The following PRKAA2 variants were observed in gnomAD, a reference collection of about 807,000 sequenced individuals.
PRKAA2 encodes the protein 5'-AMP-activated protein kinase catalytic subunit alpha-2.
PRKAA2 carries 40 observed loss-of-function variants against 56.3 expected under a neutral mutation model. That is an observed-to-expected ratio of 0.71 (90% CI 0.55 to 0.92). The LOEUF is 0.92. Among genes scored for constraint, PRKAA2 ranks in the 40% least tolerant of loss-of-function variants. PRKAA2 has a pLI of 0.00. For synonymous variants in PRKAA2, 214 were observed against 234.2 expected, an observed-to-expected ratio of 0.91 and a Z score of 0.79; for missense variants, 542 against 686.9, an observed-to-expected ratio of 0.79 and a Z score of 2.36.
At chr1:56,704,618 A>C in intron 7 of PRKAA2, 143 bp downstream of exon 7, 2 of 959,452 alleles carry the variant, frequency 2.1e-6, no homozygotes, top group Non-Finnish European at 3.0e-6. Flanking sequence ...AATAACCTCT[A>C]TAAGGATGAA....
rs750059280 is a variant in PRKAA2, at chr1:56,707,967, A to AT, written c.*259dup. The AT allele has an allele frequency of 1.2e-5, 6 of 484,942 alleles. No individual in the cohort carries two copies. Among genetic ancestry groups the AT allele is most frequent in the Non-Finnish European group, 2.2e-5 (6 of 271,488 alleles). The allele number at this position is 484,942 out of a possible 1,614,324, so 30.0% of individuals were successfully genotyped here. On this transcript the variant is annotated 3_prime_UTR_variant, in exon 9 of 9. Transcript: ENST00000371244. ...CTTTAATAGGTTAATATCAATGAAG[A>AT]TTTTTAATTACAATAATGAGTTCAC...
Position 56,704,312 on chromosome 1 carries a change from G to T in PRKAA2, c.1130G>T (p.Ser377Ile). ...AGGATGCCACCTCTTATAGCAGACA[G>T]CCCCAAAGCAAGATGTCCATTGGAT... ...PERMPPLIAD[S>I]PKARCPLDAL... The change falls in exon 7 of 9, where the codon AGC (serine) becomes ATC (isoleucine). Residue 377 changes from serine to isoleucine, a missense_variant. Around this residue, in one of 5 missense-constraint regions of PRKAA2, gnomAD observed 198 missense variants for 234.0 expected, o/e 0.85. Transcript: ENST00000371244. 1 of 1,614,112 alleles carries T rather than the reference G, an allele frequency of 6.2e-7. No homozygotes were observed. The highest frequency in any genetic ancestry group is 8.5e-7 in the Non-Finnish European group (1 of 1,180,020).
intron 1 of PRKAA2, among the ~76,000 whole-genome samples, chr1:56,662,086 A>T (rs1183907970): frequency 6.6e-6 from 1 of 152,136 alleles, no homozygotes; most frequent in Non-Finnish European, 1.5e-5. Context: ...GTTGTTACTG[A>T]TTCCATCAGA....
chr1:56,667,500 T>G (rs1176964118), intron 1 of PRKAA2, among the ~76,000 whole-genome samples: 1 of 152,184 alleles, frequency 6.6e-6, no homozygotes, highest in Non-Finnish European at 1.5e-5. Context: ...TCATATATTA[T>G]GAGTTAAATC....
intron 2 of PRKAA2, among the ~76,000 whole-genome samples, chr1:56,685,817 C>T (rs1644187323): frequency 6.6e-6 from 1 of 152,026 alleles, no homozygotes; most frequent in African/African-American, 2.4e-5. Flanking sequence ...GAGGAGCAAC[C>T]TATAAATTAG....
intron 2 of PRKAA2, among the ~76,000 whole-genome samples, chr1:56,684,725 T>A (rs760930884): frequency 1.3e-5 from 2 of 151,970 alleles, no homozygotes; most frequent in Non-Finnish European, 2.9e-5. Context: ...AAGAACCAAT[T>A]TATTGGAATG....
intron 2 of PRKAA2, among the ~76,000 whole-genome samples, chr1:56,685,685 T>C (rs966336767): frequency 6.6e-6 from 1 of 152,032 alleles, no homozygotes; most frequent in Non-Finnish European, 1.5e-5. Flanking sequence ...TAAGAGTGGG[T>C]TAGAAATTGT....
intron 1 of PRKAA2, among the ~76,000 whole-genome samples, chr1:56,648,301 A>G (rs1342968692): frequency 2.0e-5 from 3 of 152,206 alleles, no homozygotes; most frequent in Admixed American, 2.0e-4. Context: ...TCTTCTTCAT[A>G]AACGTGATCG....
Position 56,710,642 on chromosome 1 carries a change from C to T in PRKAA2, c.*2929C>T, listed in dbSNP as rs1368102507. 6.6e-6 allele frequency: 1 copy of T among 152,048 alleles called. No homozygotes were observed. Among genetic ancestry groups the T allele is most frequent in the African/African-American group, 2.4e-5 (1 of 41,408 alleles). 9.4% of individuals were successfully genotyped at this position (152,048 alleles called of 1,614,324 possible). A position where few individuals can be genotyped will look rare whatever the true frequency, so the allele number is the denominator to read the frequency against. On this transcript the variant is annotated 3_prime_UTR_variant, in exon 9 of 9. Coordinates refer to ENST00000371244, the MANE Select transcript of PRKAA2 (RefSeq NM_006252.4). ...TGTTTTAACTTGCAGACATGTTCAT[C>T]GTGAGTGAATGCTGGATTAAATAGA...
Position 56,696,004 on chromosome 1 carries a change from C to T in PRKAA2, c.633C>T (p.Thr211=), listed in dbSNP as rs1321606651. ...GVILYALLCG[T]LPFDDEHVPT... ...TCTTGTATGCTCTTCTTTGTGGCACCCTCCCATTTGATGATGAGCATGTAC... is the reference window on the plus strand; with the variant it reads ...TCTTGTATGCTCTTCTTTGTGGCACTCTCCCATTTGATGATGAGCATGTAC... Residue 211 remains threonine, a synonymous_variant, in exon 6 of 9, where the codon ACC becomes ACT. Transcript: ENST00000371244. 2 of 1,610,940 alleles carry T rather than the reference C, an allele frequency of 1.2e-6. No individual in the cohort carries two copies. The highest frequency in any genetic ancestry group is 3.4e-5 in the Admixed American group (2 of 59,404).
At chr1:56,684,310 A>G (rs967791048) in intron 2 of PRKAA2, among the ~76,000 whole-genome samples, 1 of 152,074 alleles carries the variant, frequency 6.6e-6, no homozygotes, top group African/African-American at 2.4e-5. Flanking sequence ...TAGACATCCA[A>G]GTAGAGATGT....
chr1:56,656,015 A>G (rs987869525), intron 1 of PRKAA2, among the ~76,000 whole-genome samples: 3 of 152,234 alleles, frequency 2.0e-5, no homozygotes, highest in Admixed American at 1.3e-4. Context: ...AGAATTTTAA[A>G]TAACTGATAC....
intron 7 of PRKAA2, 54 bp downstream of exon 7, chr1:56,704,529 T>C (rs1644318710): frequency 6.6e-7 from 1 of 1,521,370 alleles, no homozygotes; most frequent in Non-Finnish European, 8.7e-7. Context: ...TTCTATATTA[T>C]AAGCTGCTCT....
chr1:56,673,920 G>T (rs995549751), intron 1 of PRKAA2, among the ~76,000 whole-genome samples: 1 of 152,136 alleles, frequency 6.6e-6, no homozygotes, highest in Non-Finnish European at 1.5e-5. Flanking sequence ...GCACAAAAAA[G>T]GGCTAGGTGT....
At chr1:56,672,604 G>A (rs1644085572) in intron 1 of PRKAA2, among the ~76,000 whole-genome samples, 1 of 152,162 alleles carries the variant, frequency 6.6e-6, no homozygotes, top group African/African-American at 2.4e-5. Context: ...AACCTTCAAA[G>A]AACAGGCAGA....
At chr1:56,692,025 C>T (rs2100423986) in intron 3 of PRKAA2, among the ~76,000 whole-genome samples, 1 of 137,388 alleles carries the variant, frequency 7.3e-6, no homozygotes, top group African/African-American at 2.8e-5. Context: ...ATAGATGTCT[C>T]AGATTTTTTT....
intron 1 of PRKAA2, among the ~76,000 whole-genome samples, chr1:56,650,099 A>G (rs1238363197): frequency 6.6e-6 from 1 of 152,200 alleles, no homozygotes; most frequent in Non-Finnish European, 1.5e-5. Flanking sequence ...CGTCTTAAAA[A>G]AAAAAAGAAA....
chr1:56,692,933 T>G (rs1417372067), intron 4 of PRKAA2, among the ~76,000 whole-genome samples: 9 of 152,168 alleles, frequency 5.9e-5, no homozygotes, highest in Non-Finnish European at 1.5e-5. Context: ...CCTTCTGAAC[T>G]GATCCACAAA....
In PRKAA2 at chr1:56,690,550, T is replaced by G. The variant is rs1208419947; in HGVS notation, c.237-844T>G. 2.6e-5 allele frequency among the ~76,000 whole-genome samples: 4 copies of G among 152,210 alleles called. No individual in the cohort carries two copies. In the East Asian group the frequency reaches 7.7e-4, roughly 29 times the overall value. On this transcript the variant is annotated intron_variant, in intron 2 of 8. Coordinates refer to ENST00000371244, the MANE Select transcript of PRKAA2 (RefSeq NM_006252.4). ...ACTTTCCTGATTGTTTCATAAATGG[T>G]TTTTAAAGTTGGTTTATTTGAATCA...
Sources: allele counts gnomAD v4.1 joint callset (sites outside exome capture counted in the v4.1 genomes callset), GRCh38; gene constraint gnomAD v4.1.1; regional missense constraint gnomAD v4.1.1; transcripts MANE v1.5; gene names NCBI Gene and HGNC (gene_info 2026-07-23, HGNC 2026-07-21).